Variants in DLG2 observed in about 807,000 individuals in gnomAD.
DLG2 encodes the protein disks large homolog 2.
Under a neutral mutation model 132.5 loss-of-function variants are expected in DLG2, and 45 were observed. The observed-to-expected ratio is 0.34, with a 90% CI of 0.27 to 0.44. The LOEUF is 0.44. Among genes scored for constraint, DLG2 ranks in the 20% least tolerant of loss-of-function variants. The pLI is 1.00. For synonymous variants in DLG2, 424 were observed against 419.6 expected (o/e 1.01, Z -0.13); for missense variants, 1,045 against 1,196.9 (o/e 0.87, Z 1.87).
chr11:84,386,158 C>T (rs1237829888), intron 7 of DLG2, among the ~76,000 whole-genome samples: 1 of 152,002 alleles, frequency 6.6e-6, no homozygotes, highest in African/African-American at 2.4e-5. Flanking sequence ...CCCAGCCCAG[C>T]CAATTTTTTT....
intron 6 of DLG2, among the ~76,000 whole-genome samples, chr11:84,785,170 T>C (rs956751531): frequency 6.6e-6 from 1 of 151,936 alleles, no homozygotes; most frequent in Non-Finnish European, 1.5e-5. Context: ...GCATGTCTCT[T>C]ACGTTTCTTT....
chr11:84,582,433 A>T (rs2099518789), intron 6 of DLG2, among the ~76,000 whole-genome samples: 1 of 148,814 alleles, frequency 6.7e-6, no homozygotes, highest in East Asian at 1.9e-4. Flanking sequence ...ATTAAGTTAA[A>T]ATACATATAT....
rs1398434896 is a variant in DLG2 at position 84,224,029 on chromosome 11, C to T, written c.573+27209G>A. Among the ~76,000 whole-genome samples the T allele has an allele frequency of 5.9e-5, 9 of 152,158 alleles. No homozygotes were observed. The East Asian group carries it at 1.5e-3, about 26-fold the overall frequency. On this transcript the variant is annotated intron_variant, in intron 8 of 27. Transcript: ENST00000376104. ...GGCCTCCAGGTTTATGGCAGAAAGA[C>T]GTAGAGGGTGGAGGACAGAGTGCTT...
At chr11:83,794,437 GTTT>G (rs200672667) in intron 17 of DLG2, among the ~76,000 whole-genome samples, 117 of 127,402 alleles carry the variant, frequency 9.2e-4, no homozygotes, top group East Asian at 9.0e-3. Flanking sequence ...TTTACTATTG[GTTT>G]TTTTTTTTTT....
chr11:85,391,659 C>A (rs1397215734), intron 3 of DLG2, among the ~76,000 whole-genome samples: 1 of 151,942 alleles, frequency 6.6e-6, no homozygotes, highest in Non-Finnish European at 1.5e-5. Context: ...ATGTGATACA[C>A]CACACAAACA....
intron 17 of DLG2, among the ~76,000 whole-genome samples, chr11:83,805,273 G>T (rs142519082): frequency 2.6e-5 from 4 of 151,744 alleles, no homozygotes; most frequent in Non-Finnish European, 5.9e-5. Context: ...ATTTTGTAGC[G>T]GGTTAAAAAA....
intron 7 of DLG2, among the ~76,000 whole-genome samples, chr11:84,446,199 T>C (rs1397322770): frequency 6.6e-6 from 1 of 152,084 alleles, no homozygotes; most frequent in Non-Finnish European, 1.5e-5. Flanking sequence ...TTTTAATCAA[T>C]TGTTTATACC....
At chr11:83,579,497 T>G (rs1245472747) in intron 19 of DLG2, among the ~76,000 whole-genome samples, 2 of 152,212 alleles carry the variant, frequency 1.3e-5, no homozygotes, top group African/African-American at 2.4e-5. Context: ...ACAAAATTAA[T>G]GCAAATTATG....
At chr11:85,209,936 G>C (rs1425978945) in intron 4 of DLG2, among the ~76,000 whole-genome samples, 1 of 151,776 alleles carries the variant, frequency 6.6e-6, no homozygotes, top group Non-Finnish European at 1.5e-5. Context: ...TCCCTACCTA[G>C]AATATCTCCC....
At chr11:85,317,834 A>G (rs765333298) in intron 3 of DLG2, among the ~76,000 whole-genome samples, 1 of 151,836 alleles carries the variant, frequency 6.6e-6, no homozygotes, top group Non-Finnish European at 1.5e-5. Context: ...GAGTAATGAA[A>G]TATCTATATA....
At chr11:85,301,058 G>C (rs2079554585) in intron 3 of DLG2, among the ~76,000 whole-genome samples, 1 of 152,032 alleles carries the variant, frequency 6.6e-6, no homozygotes, top group Non-Finnish European at 1.5e-5. Context: ...AAAATTAGCT[G>C]GGTGTGGTGG....
At chr11:84,863,663 G>T (rs892483919) in intron 6 of DLG2, among the ~76,000 whole-genome samples, 1 of 151,898 alleles carries the variant, frequency 6.6e-6, no homozygotes, top group African/African-American at 2.4e-5. Flanking sequence ...GGAAGAAAAA[G>T]GCAAGGAAGG....
At chr11:83,749,232 C>A (rs146124559) in intron 18 of DLG2, among the ~76,000 whole-genome samples, 20 of 152,168 alleles carry the variant, frequency 1.3e-4, no homozygotes, top group Non-Finnish European at 2.8e-4. Flanking sequence ...AGAGAGGCAA[C>A]CTTTTTGCCT....
intron 6 of DLG2, among the ~76,000 whole-genome samples, chr11:84,757,077 C>T (rs2066981753): frequency 6.6e-6 from 1 of 152,124 alleles, no homozygotes; most frequent in Non-Finnish European, 1.5e-5. Flanking sequence ...TGTTAGGTAA[C>T]AATGGGCAAA....
intron 3 of DLG2, among the ~76,000 whole-genome samples, chr11:85,575,576 A>G (rs569421236): frequency 6.6e-6 from 1 of 151,404 alleles, no homozygotes; most frequent in African/African-American, 2.4e-5. Flanking sequence ...TGAGTACATC[A>G]CAGTGTGCTC....
At chr11:85,092,588 C>T (rs1430940945) in intron 6 of DLG2, among the ~76,000 whole-genome samples, 2 of 150,790 alleles carry the variant, frequency 1.3e-5, no homozygotes, top group African/African-American at 4.9e-5. Context: ...AGACAGTTGC[C>T]TAGGTAATTT....
chr11:84,075,358 G>C (rs1315128878), intron 10 of DLG2, among the ~76,000 whole-genome samples: 1 of 152,116 alleles, frequency 6.6e-6, no homozygotes, highest in Non-Finnish European at 1.5e-5. Flanking sequence ...AGCCTTGTCT[G>C]TCTGGTTGAC....
chr11:84,860,528 T>G (rs2083462109), intron 6 of DLG2, among the ~76,000 whole-genome samples: 1 of 152,152 alleles, frequency 6.6e-6, no homozygotes, highest in Non-Finnish European at 1.5e-5. Context: ...CACCATTAAT[T>G]AAATTCCTTT....
At chr11:84,532,709 C>G (rs189042324) in intron 7 of DLG2, among the ~76,000 whole-genome samples, 26 of 152,246 alleles carry the variant, frequency 1.7e-4, no homozygotes, top group African/African-American at 5.5e-4. Context: ...GTTACCCAGG[C>G]TGGTCTTGAA....
Sources: allele counts gnomAD v4.1 joint callset (sites outside exome capture counted in the v4.1 genomes callset), GRCh38; gene constraint gnomAD v4.1.1; transcripts MANE v1.5; gene names NCBI Gene and HGNC (gene_info 2026-07-23, HGNC 2026-07-21).